FLT1: variants seen among roughly 807,000 people sequenced by gnomAD.
FLT1 encodes fms related receptor tyrosine kinase 1.
Under a neutral mutation model 156.3 loss-of-function variants are expected in FLT1, and 49 were observed. That is an observed-to-expected ratio of 0.31 (90% CI 0.25 to 0.40). The LOEUF (loss-of-function observed/expected upper bound fraction) is 0.40, where lower values mean the gene tolerates loss of function less well. Among genes scored for constraint, FLT1 ranks in the 10% least tolerant of loss-of-function variants. FLT1 has a pLI of 1.00. For synonymous variants in FLT1, 594 were observed against 583.8 expected (o/e 1.02, Z -0.25); for missense variants, 1,322 against 1,637.2 (o/e 0.81, Z 3.32).
chr13:28,396,921 G>A, intron 12 of FLT1, 39 bp downstream of exon 12: 1 of 1,158,640 alleles, frequency 8.6e-7, no homozygotes, highest in Non-Finnish European at 1.3e-6. Context: ...AGAGAATGAA[G>A]TCACCAGGCT....
chr13:28,351,195 G>T (rs1341553397), intron 15 of FLT1, among the ~76,000 whole-genome samples: 1 of 151,988 alleles, frequency 6.6e-6, no homozygotes, highest in Non-Finnish European at 1.5e-5. Context: ...TGAGAAATTT[G>T]CCTGATCCTA....
chr13:28,473,673 G>GAAAGAAAGAA (rs751712799), intron 1 of FLT1, among the ~76,000 whole-genome samples: 6 of 106,002 alleles, frequency 5.7e-5, no homozygotes, highest in African/African-American at 1.9e-4. Context: ...AAGAAAGAAA[G>GAAAGAAAGAA]AGAGAGAGAG....
chr13:28,322,126 A>C lies in FLT1; in HGVS notation c.3051+136T>G, dbSNP rs1871486072. 1 of 691,984 alleles carries C rather than the reference A, an allele frequency of 1.4e-6. No homozygotes were observed. Among genetic ancestry groups the C allele is most frequent in the Non-Finnish European group, 2.6e-6 (1 of 384,124 alleles). 42.9% of individuals were successfully genotyped at this position (691,984 alleles called of 1,614,324 possible). A position where few individuals can be genotyped will look rare whatever the true frequency, so the allele number is the denominator to read the frequency against. ...TCTCAAAACTCCTCATATCAAGGCAAATTAAGGCACTTGCAGTGGTGTTTG... is the reference window on the plus strand; with the variant it reads ...TCTCAAAACTCCTCATATCAAGGCACATTAAGGCACTTGCAGTGGTGTTTG... On this transcript the variant is annotated intron_variant, in intron 22 of 29. Transcript: ENST00000282397. This position sits in a 1 kb window ranked among gnomAD's most constrained non-coding sequence, Gnocchi z 4.3.
chr13:28,344,229 G>T (rs1321098068), intron 16 of FLT1, among the ~76,000 whole-genome samples: 1 of 151,584 alleles, frequency 6.6e-6, no homozygotes, highest in Non-Finnish European at 1.5e-5. Context: ...CCCATTTCTT[G>T]GCAGCCTCAC....
chr13:28,364,147 G>A (rs577828877), intron 14 of FLT1, among the ~76,000 whole-genome samples: 8 of 152,264 alleles, frequency 5.3e-5, no homozygotes, highest in African/African-American at 1.9e-4. Context: ...GGCTTAATAC[G>A]TTTCAAGTCT....
chr13:28,312,406 T>C (rs1593670175), intron 25 of FLT1, among the ~76,000 whole-genome samples: 2 of 151,742 alleles, frequency 1.3e-5, no homozygotes, highest in African/African-American at 4.8e-5. Flanking sequence ...GTTCTGTGAA[T>C]GAAACACAGC....
chr13:28,324,462 G>GC (rs1475331624), intron 20 of FLT1, among the ~76,000 whole-genome samples: 1 of 152,192 alleles, frequency 6.6e-6, no homozygotes, highest in African/African-American at 2.4e-5. Context: ...TAGTCTAAAA[G>GC]CCAAAAGGGC....
chr13:28,323,451 A>G (rs906910979), intron 20 of FLT1, among the ~76,000 whole-genome samples: 1 of 152,132 alleles, frequency 6.6e-6, no homozygotes, highest in Non-Finnish European at 1.5e-5. Context: ...CGGGAGTTTG[A>G]GATCAGCCTG....
chr13:28,316,819 C>T (rs2138821412), intron 25 of FLT1, among the ~76,000 whole-genome samples: 1 of 152,050 alleles, frequency 6.6e-6, no homozygotes, highest in South Asian at 2.1e-4. Context: ...GACGGGGTTT[C>T]ACCATGTCGG....
chr13:28,386,625 T>C (rs753663914), intron 13 of FLT1: 17 of 1,056,450 alleles, frequency 1.6e-5, no homozygotes, highest in Non-Finnish European at 1.9e-5. Flanking sequence ...TTGCATTGGA[T>C]GCTATCTGCC....
chr13:28,430,497 G>T (rs1329795867), intron 7 of FLT1, among the ~76,000 whole-genome samples: 2 of 152,138 alleles, frequency 1.3e-5, no homozygotes, highest in Non-Finnish European at 2.9e-5. Flanking sequence ...TATAAGCAAG[G>T]TGAGAAAAAG....
At chr13:28,430,520 C>T (rs2137545550) in intron 7 of FLT1, among the ~76,000 whole-genome samples, 2 of 152,238 alleles carry the variant, frequency 1.3e-5, no homozygotes, top group African/African-American at 4.8e-5. Context: ...GCTCTGTACA[C>T]CCTAAAACAA....
intron 4 of FLT1, among the ~76,000 whole-genome samples, chr13:28,434,681 G>C (rs1490422164): frequency 6.6e-6 from 1 of 152,194 alleles, no homozygotes; most frequent in Non-Finnish European, 1.5e-5. Context: ...TTAGCAGTTA[G>C]AGACCAGCCT....
At chr13:28,344,764 A>G (rs1435246132) in intron 16 of FLT1, among the ~76,000 whole-genome samples, 1 of 118,180 alleles carries the variant, frequency 8.5e-6, no homozygotes, top group Non-Finnish European at 1.7e-5. Context: ...CCAATATGTT[A>G]TGAGAGAAGT....
intron 1 of FLT1, among the ~76,000 whole-genome samples, chr13:28,467,921 A>G (rs544242378): frequency 3.9e-5 from 6 of 152,310 alleles, no homozygotes; most frequent in African/African-American, 1.4e-4. Context: ...AATTATATTA[A>G]AATATATAAC....
intron 10 of FLT1, among the ~76,000 whole-genome samples, chr13:28,413,150 G>A (rs1405907227): frequency 6.6e-6 from 1 of 152,056 alleles, no homozygotes; most frequent in South Asian, 2.1e-4. Context: ...GCTTTGGGTC[G>A]GCTCCCTGGA....
At chr13:28,314,392 A>C (rs1871122015) in intron 25 of FLT1, among the ~76,000 whole-genome samples, 1 of 152,146 alleles carries the variant, frequency 6.6e-6, no homozygotes, top group African/African-American at 2.4e-5. Context: ...CAAACATCAA[A>C]TGAAAAGAAA....
rs981595842 is a variant in FLT1, at chr13:28,301,934, G to A, written c.*1233C>T. On this transcript the variant is annotated 3_prime_UTR_variant, in exon 30 of 30. Coordinates refer to ENST00000282397, the MANE Select transcript of FLT1 (RefSeq NM_002019.4). Reference sequence around the variant, plus strand: ...AAGGAGCTTAAAGTGCTTAATATGCGCCAGCTAATGCTCTTCCACATCCTT... The same window carrying A: ...AAGGAGCTTAAAGTGCTTAATATGCACCAGCTAATGCTCTTCCACATCCTT... 2.6e-5 allele frequency: 6 copies of A among 233,402 alleles called. No homozygotes were observed. Among genetic ancestry groups the A allele is most frequent in the Non-Finnish European group, 5.1e-5 (6 of 117,956 alleles). The allele number at this position is 233,402 out of a possible 1,614,324, so 14.5% of individuals were successfully genotyped here. A position where few individuals can be genotyped will look rare whatever the true frequency, so the allele number is the denominator to read the frequency against.
intron 3 of FLT1, among the ~76,000 whole-genome samples, chr13:28,457,129 C>A (rs942129448): frequency 4.6e-5 from 7 of 152,024 alleles, no homozygotes; most frequent in African/African-American, 1.7e-4. Flanking sequence ...GTACCTTCCT[C>A]TCAATTTTGC....
Sources: allele counts gnomAD v4.1 joint callset (sites outside exome capture counted in the v4.1 genomes callset), GRCh38; gene constraint gnomAD v4.1.1; non-coding constraint Gnocchi (gnomAD v3.1); transcripts MANE v1.5; gene names NCBI Gene and HGNC (gene_info 2026-07-23, HGNC 2026-07-21).